The following BAIAP2L1 variants were observed in gnomAD, a reference collection of about 807,000 sequenced individuals.
BAIAP2L1 encodes the protein BAR/IMD domain containing adaptor protein 2 like 1, also known as BAR/IMD domain-containing adapter protein 2-like 1.
BAIAP2L1 carries 35 observed loss-of-function variants against 66.3 expected under a neutral mutation model. The observed-to-expected ratio is 0.53, with a 90% CI of 0.40 to 0.70. BAIAP2L1 has a LOEUF of 0.70. BAIAP2L1 is among the 30% of genes least tolerant of loss of function. BAIAP2L1 has a pLI of 0.00. For synonymous variants in BAIAP2L1, 269 were observed against 248.7 expected, an observed-to-expected ratio of 1.08 and a Z score of -0.77; for missense variants, 622 against 656.9, an observed-to-expected ratio of 0.95 and a Z score of 0.58.
intron 2 of BAIAP2L1, among the ~76,000 whole-genome samples, chr7:98,357,020 A>AAAAAAT (rs1554337328): frequency 1.1e-4 from 3 of 28,096 alleles, no homozygotes; most frequent in African/African-American, 2.3e-4. Flanking sequence ...AAAAAAAAAA[A>AAAAAAT]ATATATATAT....
At chr7:98,350,834 T>A (rs1267543856) in intron 3 of BAIAP2L1, among the ~76,000 whole-genome samples, 8 of 151,930 alleles carry the variant, frequency 5.3e-5, no homozygotes, top group Non-Finnish European at 4.4e-5. Flanking sequence ...GGGAGGGCCC[T>A]GGAAAAACAG....
intron 1 of BAIAP2L1, among the ~76,000 whole-genome samples, chr7:98,387,823 G>A (rs958343827): frequency 8.5e-5 from 13 of 152,074 alleles, no homozygotes; most frequent in African/African-American, 2.9e-4. Flanking sequence ...AGCTATGATT[G>A]TGCCATTTCA....
At chr7:98,323,771 G>A (rs1344978824) in intron 3 of BAIAP2L1, among the ~76,000 whole-genome samples, 1 of 152,186 alleles carries the variant, frequency 6.6e-6, no homozygotes, top group Admixed American at 6.5e-5. Context: ...TTCAGATGCC[G>A]ACCTCACAGC....
At chr7:98,372,467 G>A (rs943912332) in intron 1 of BAIAP2L1, among the ~76,000 whole-genome samples, 1 of 152,096 alleles carries the variant, frequency 6.6e-6, no homozygotes, top group Non-Finnish European at 1.5e-5. Context: ...TGATATTTTA[G>A]TGCTTTGTTT....
At chr7:98,367,661 G>A (rs879355336) in intron 1 of BAIAP2L1, among the ~76,000 whole-genome samples, 5 of 149,912 alleles carry the variant, frequency 3.3e-5, no homozygotes, top group East Asian at 2.0e-4. Context: ...TCAGCCTCCC[G>A]AGTAGCTGGG....
intron 1 of BAIAP2L1, among the ~76,000 whole-genome samples, chr7:98,396,358 C>T (rs1360750580): frequency 6.6e-6 from 1 of 152,114 alleles, no homozygotes; most frequent in Non-Finnish European, 1.5e-5. Flanking sequence ...CATGAGCCAC[C>T]GCTCCTAGCC....
chr7:98,351,417 T>G (rs1801997714), intron 3 of BAIAP2L1, among the ~76,000 whole-genome samples: 1 of 152,180 alleles, frequency 6.6e-6, no homozygotes, highest in Admixed American at 6.5e-5. Flanking sequence ...TGGTGTTCCT[T>G]GGCTCATGCC....
At chr7:98,341,910 A>G (rs1021093661) in intron 3 of BAIAP2L1, among the ~76,000 whole-genome samples, 2 of 151,454 alleles carry the variant, frequency 1.3e-5, no homozygotes, top group East Asian at 2.0e-4. Context: ...TTGGTCAATT[A>G]TAACTGCTGT....
At chr7:98,393,123 GTATATATACACACATATGTGTACATA>G (rs1351135305) in intron 1 of BAIAP2L1, among the ~76,000 whole-genome samples, 1,329 of 77,438 alleles carry the variant, frequency 0.017, 132 homozygotes, top group Non-Finnish European at 0.027. Context: ...ACACATATAT[GTATATATACACACATATGTGTACATA>G]TATATGTACA....
chr7:98,400,533 G>C (rs1242382698), intron 1 of BAIAP2L1, among the ~76,000 whole-genome samples: 1 of 120,830 alleles, frequency 8.3e-6, no homozygotes, highest in East Asian at 2.7e-4. Context: ...GGGAAAGAGA[G>C]ACAGGGAAGA....
intron 12 of BAIAP2L1, among the ~76,000 whole-genome samples, chr7:98,302,578 G>A (rs1385090550): frequency 6.6e-6 from 1 of 152,068 alleles, no homozygotes; most frequent in Non-Finnish European, 1.5e-5. Flanking sequence ...CAGAAATACA[G>A]GAGACACGGG....
In BAIAP2L1 at chr7:98,316,831, A is replaced by G. The variant is rs184886192; in HGVS notation, c.486+388T>C. Among the ~76,000 whole-genome samples the G allele has an allele frequency of 6.6e-5, 10 of 151,346 alleles. No individual in the cohort carries two copies. In the East Asian group the frequency reaches 1.9e-3, roughly 29 times the overall value. On this transcript the variant is annotated intron_variant, in intron 6 of 13. Coordinates refer to ENST00000005260, the MANE Select transcript of BAIAP2L1 (RefSeq NM_018842.5). ...ATCTAGAGAATGACAGGTAACCATC[A>G]TTCTACTCCCCACTTCCATGAGATC...
intron 2 of BAIAP2L1, 32 bp downstream of exon 2, chr7:98,362,325 T>C: frequency 6.7e-7 from 1 of 1,484,518 alleles, no homozygotes; most frequent in Non-Finnish European, 9.3e-7. Flanking sequence ...TGAGTGGCTT[T>C]ATATATAATC....
At chr7:98,358,783 C>T (rs1410864167) in intron 2 of BAIAP2L1, among the ~76,000 whole-genome samples, 2 of 152,106 alleles carry the variant, frequency 1.3e-5, no homozygotes, top group Non-Finnish European at 2.9e-5. Flanking sequence ...CTTTGGTGTC[C>T]TCCCACTGCC....
chr7:98,306,203 G>A (rs538555185), intron 11 of BAIAP2L1, among the ~76,000 whole-genome samples: 3 of 152,292 alleles, frequency 2.0e-5, no homozygotes, highest in Non-Finnish European at 2.9e-5. Context: ...GAGTTTCAGA[G>A]GGCTGCAGGA....
chr7:98,346,797 G>C (rs895619620), intron 3 of BAIAP2L1, among the ~76,000 whole-genome samples: 2 of 152,130 alleles, frequency 1.3e-5, no homozygotes, highest in Non-Finnish European at 2.9e-5. Flanking sequence ...AAATGAAATG[G>C]GAAAAGTAGC....
At chr7:98,300,870 T>C (rs1800392536) in intron 12 of BAIAP2L1, among the ~76,000 whole-genome samples, 1 of 152,112 alleles carries the variant, frequency 6.6e-6, no homozygotes, top group Non-Finnish European at 1.5e-5. Context: ...CGCCCAGGCC[T>C]TGTGTTTTTG....
Position 98,359,215 on chromosome 7 carries a change from G to A in BAIAP2L1, c.127+3142C>T, listed in dbSNP as rs1473038122. The stretch of plus-strand genomic sequence containing the variant: ...AGTGATCTGACCCTATCCCGCCCAC[G>A]CCCCAGCAGTGTGCCACCCATGCCA... On this transcript the variant is annotated intron_variant, in intron 2 of 13. Transcript: ENST00000005260. Among the ~76,000 whole-genome samples the A allele has an allele frequency of 4.0e-5, 6 of 151,734 alleles. No individual in the cohort carries two copies. In the East Asian group the frequency reaches 5.8e-4, roughly 15 times the overall value.
intron 3 of BAIAP2L1, among the ~76,000 whole-genome samples, chr7:98,337,595 C>T (rs1346531095): frequency 6.6e-6 from 1 of 152,206 alleles, no homozygotes; most frequent in Non-Finnish European, 1.5e-5. Flanking sequence ...AAACACTGGT[C>T]AAATAACTGC....
Sources: allele counts gnomAD v4.1 joint callset (sites outside exome capture counted in the v4.1 genomes callset), GRCh38; gene constraint gnomAD v4.1.1; transcripts MANE v1.5; gene names NCBI Gene and HGNC (gene_info 2026-07-23, HGNC 2026-07-21).